The following CHMP7 variants were observed in gnomAD, a reference collection of about 807,000 sequenced individuals.
CHMP7 encodes charged multivesicular body protein 7.
A neutral mutation model predicts 53.7 loss-of-function variants in CHMP7; 15 were observed. The ratio of observed to expected loss-of-function variants is 0.28; its 90% CI spans 0.19 to 0.43. The LOEUF is 0.43. CHMP7 is among the 20% of genes least tolerant of loss of function. The pLI is 1.00. For missense variants in CHMP7, 527 were observed against 569.4 expected (o/e 0.93, Z 0.76); for synonymous variants, 261 against 228.0 (o/e 1.14, Z -1.30).
intron 9 of CHMP7, 164 bp from the exon 10 acceptor site, chr8:23,259,980 C>T (rs1012767811): frequency 3.3e-6 from 2 of 606,084 alleles, no homozygotes; most frequent in African/African-American, 3.7e-5. Flanking sequence ...GAAGAATCAT[C>T]TCTGCTTGAA....
intron 10 of CHMP7, 59 bp downstream of exon 10, chr8:23,260,382 G>T: frequency 1.3e-6 from 2 of 1,591,662 alleles, no homozygotes; most frequent in Non-Finnish European, 1.7e-6. Context: ...TGACAGAGTT[G>T]ATGGGCCCAA....
At position 23,256,463 on chromosome 8, in the gene CHMP7, G is replaced by C. The variant is rs751595190; in HGVS notation, c.661G>C (p.Val221Leu). ...TVLEQNGEKI[V>L]KFARGPRAKV... Reference sequence around the variant, plus strand: ...GTAATTTCTCCCTGTCCCTCAGATTGTGAAGTTTGCCCGAGGGCCACGTGC... The same window carrying C: ...GTAATTTCTCCCTGTCCCTCAGATTCTGAAGTTTGCCCGAGGGCCACGTGC... The change falls in exon 5 of 11, where the codon GTG becomes CTG. Residue 221 changes from valine (V) to leucine (L), a missense_variant. Coordinates refer to ENST00000397677, the MANE Select transcript of CHMP7 (RefSeq NM_152272.5). 6.2e-7 allele frequency: 1 copy of C among 1,602,964 alleles called. No homozygotes were observed. Among genetic ancestry groups the C allele is most frequent in the Non-Finnish European group, 8.5e-7 (1 of 1,169,850 alleles).
intron 5 of CHMP7, among the ~76,000 whole-genome samples, chr8:23,257,281 A>G (rs1230567412): frequency 6.6e-6 from 1 of 151,588 alleles, no homozygotes; most frequent in African/African-American, 2.4e-5. Context: ...TTTTTTGTTG[A>G]GATGGGGTCT....
intron 5 of CHMP7, 96 bp downstream of exon 5, chr8:23,256,689 G>A (rs141471466): frequency 2.9e-6 from 2 of 697,468 alleles, no homozygotes; most frequent in Admixed American, 3.6e-5. Context: ...AAAATAGGTG[G>A]GTTTTTTTTT....
At chr8:23,247,549 G>A (rs1252421366) in intron 2 of CHMP7, among the ~76,000 whole-genome samples, 1 of 152,146 alleles carries the variant, frequency 6.6e-6, no homozygotes, top group Non-Finnish European at 1.5e-5. Flanking sequence ...GCCCTTAAAA[G>A]GTCTGTAGGA....
At chr8:23,248,793 C>T (rs1041933024) in intron 2 of CHMP7, among the ~76,000 whole-genome samples, 10 of 152,186 alleles carry the variant, frequency 6.6e-5, no homozygotes, top group Non-Finnish European at 1.3e-4. Context: ...TGTTTTCTTT[C>T]TTATGTCTTG....
At chr8:23,244,958 T>A (rs1260897690) in intron 1 of CHMP7, among the ~76,000 whole-genome samples, 1 of 152,244 alleles carries the variant, frequency 6.6e-6, no homozygotes, top group Non-Finnish European at 1.5e-5. Flanking sequence ...ATATGGGAAT[T>A]GACTTTTATA....
At chr8:23,254,439 G>A (rs1802047500) in intron 3 of CHMP7, among the ~76,000 whole-genome samples, 1 of 152,118 alleles carries the variant, frequency 6.6e-6, no homozygotes, top group Admixed American at 6.5e-5. Context: ...TTGTCGCCCA[G>A]GCTGGAGTGC....
Position 23,260,146 on chromosome 8 carries a change from T to A in CHMP7, c.1123T>A (p.Phe375Ile), listed in dbSNP as rs769874873. The change falls in exon 10 of 11, where the codon TTT (phenylalanine) becomes ATT (isoleucine). Residue 375 changes from phenylalanine to isoleucine, a missense_variant and splice_region_variant. Phe to Ile is a conservative substitution (Grantham distance 21). Transcript: ENST00000397677. Reference sequence around the variant, plus strand: ...TTTATGTTGTCTTTTCTTTCCAGATTTTGACAGTGAAGAACTGGAGAAGGA... The same window carrying A: ...TTTATGTTGTCTTTTCTTTCCAGATATTGACAGTGAAGAACTGGAGAAGGA... The part of the protein sequence containing the change: ...LAGGVTNGLD[F>I]DSEELEKELD... 4.4e-5 allele frequency: 71 copies of A among 1,613,318 alleles called. No individual in the cohort carries two copies. The highest frequency in any genetic ancestry group is 5.6e-5 in the Non-Finnish European group (66 of 1,179,384).
rs577891916 is a variant in CHMP7, at chr8:23,249,397, G to C, written c.471+16G>C. The C allele has an allele frequency of 3.2e-6, 5 of 1,576,666 alleles. No homozygotes were observed. The highest frequency in any genetic ancestry group is 1.4e-5 in the African/African-American group (1 of 73,810). On this transcript the variant is annotated intron_variant, in intron 3 of 10. Coordinates refer to ENST00000397677, the MANE Select transcript of CHMP7 (RefSeq NM_152272.5). ...GCTGTTGAAGGTGGGTACTCAGAAG[G>C]GGGTGTCTGGGTGTCACCTGGTGTG...
At chr8:23,248,693 C>CTGCTGT (rs1801803157) in intron 2 of CHMP7, among the ~76,000 whole-genome samples, 1 of 152,202 alleles carries the variant, frequency 6.6e-6, no homozygotes, top group Non-Finnish European at 1.5e-5. Context: ...ATAAATTGAG[C>CTGCTGT]TGCTGTTACT....
At position 23,246,675 on chromosome 8, in the gene CHMP7, C is replaced by T; in HGVS notation, c.-21C>T. The T allele has an allele frequency of 3.2e-6, 5 of 1,543,670 alleles. No individual in the cohort carries two copies. The highest frequency in any genetic ancestry group is 2.4e-5 in the South Asian group (2 of 83,658). ...CCAGGGCCAGGCTTGTGTTCGCAGCCTTGCCGGGGCTGGGGTTCCGATGTG... is the reference window on the plus strand; with the variant it reads ...CCAGGGCCAGGCTTGTGTTCGCAGCTTTGCCGGGGCTGGGGTTCCGATGTG... On this transcript the variant is annotated 5_prime_UTR_variant, in exon 2 of 11. Transcript: ENST00000397677.
chr8:23,246,821 C>G lies in CHMP7; in HGVS notation c.126C>G (p.Arg42=). 1 of 1,598,274 alleles carries G rather than the reference C, an allele frequency of 6.3e-7. No individual in the cohort carries two copies. The highest frequency in any genetic ancestry group is 8.5e-7 in the Non-Finnish European group (1 of 1,172,818). Residue 42 remains arginine (R), a synonymous_variant, in exon 2 of 11, where the codon CGC becomes CGG. Coordinates refer to ENST00000397677, the MANE Select transcript of CHMP7 (RefSeq NM_152272.5). ...SFLFSAFKRS[R]EVNSTDWDSK... ...TGTTCTCCGCTTTCAAGAGGAGTCG[C>G]GAGGTGAACAGCACCGACTGGGACA...
chr8:23,255,677 G>A (rs1007522785), intron 4 of CHMP7, among the ~76,000 whole-genome samples: 1 of 151,992 alleles, frequency 6.6e-6, no homozygotes, highest in African/African-American at 2.4e-5. Context: ...GCTTTGTCCA[G>A]CATCTCCCCG....
chr8:23,247,046 G>A lies in CHMP7; in HGVS notation c.299+52G>A, dbSNP rs1198671871. ...GCGAGGGCGGGCGGGGGCAGCTCTC[G>A]GAGGGCCGGGCCCTGGTCCTGTTCT... On this transcript the variant is annotated intron_variant, in intron 2 of 10. Transcript: ENST00000397677. 2.1e-6 allele frequency: 3 copies of A among 1,447,368 alleles called. No individual in the cohort carries two copies. In the Admixed American group the frequency reaches 7.8e-5, roughly 37 times the overall value. 89.7% of individuals were successfully genotyped at this position (1,447,368 alleles called of 1,614,324 possible). A position where few individuals can be genotyped will look rare whatever the true frequency, so the allele number is the denominator to read the frequency against.
Position 23,255,334 on chromosome 8 carries a change from T to A in CHMP7, c.559T>A (p.Cys187Ser). 2 of 1,614,214 alleles carry A rather than the reference T, an allele frequency of 1.2e-6. No individual in the cohort carries two copies. Among genetic ancestry groups the A allele is most frequent in the Non-Finnish European group, 1.7e-6 (2 of 1,180,024 alleles). Residue 187 changes from cysteine to serine, a missense_variant, in exon 4 of 11, where the codon TGT becomes AGT. Coordinates refer to ENST00000397677, the MANE Select transcript of CHMP7 (RefSeq NM_152272.5). ...VVALSELSTLCANSCPDERTF... is the reference protein window; with the variant it reads ...VVALSELSTLSANSCPDERTF... ...GGCCCTGTCAGAGCTCAGCACCCTCTGTGCTAACTCCTGCCCAGATGAGAG... is the reference window on the plus strand; with the variant it reads ...GGCCCTGTCAGAGCTCAGCACCCTCAGTGCTAACTCCTGCCCAGATGAGAG...
intron 9 of CHMP7, 137 bp from the exon 10 acceptor site, chr8:23,260,007 C>G (rs1802316539): frequency 1.5e-6 from 1 of 653,948 alleles, no homozygotes. Flanking sequence ...CTCCTGACTT[C>G]CGGGATTTTT....
At position 23,246,622 on chromosome 8, in the gene CHMP7, G is replaced by C; in HGVS notation, c.-74G>C. ...AGAAGGAGGTGGTCAAGGAACGGAAGCCGGGAGGGAACGAGGGCGGAAGCG... is the reference window on the plus strand; with the variant it reads ...AGAAGGAGGTGGTCAAGGAACGGAACCCGGGAGGGAACGAGGGCGGAAGCG... On this transcript the variant is annotated 5_prime_UTR_variant, in exon 2 of 11. Coordinates refer to ENST00000397677, the MANE Select transcript of CHMP7 (RefSeq NM_152272.5). 2 of 1,312,706 alleles carry C rather than the reference G, an allele frequency of 1.5e-6. No individual in the cohort carries two copies. The highest frequency in any genetic ancestry group is 2.1e-6 in the Non-Finnish European group (2 of 961,404). The allele number at this position is 1,312,706 out of a possible 1,614,324, so 81.3% of individuals were successfully genotyped here.
At position 23,258,033 on chromosome 8, in the gene CHMP7, G is replaced by T; in HGVS notation, c.792G>T (p.Arg264Ser). 1 of 1,611,506 alleles carries T rather than the reference G, an allele frequency of 6.2e-7. No individual in the cohort carries two copies. The highest frequency in any genetic ancestry group is 8.5e-7 in the Non-Finnish European group (1 of 1,177,918). The change falls in exon 6 of 11, where the codon AGG becomes AGT. Residue 264 changes from arginine to serine, a missense_variant and splice_region_variant. Arg to Ser is a moderately radical substitution (Grantham distance 110, BLOSUM62 -1). Coordinates refer to ENST00000397677, the MANE Select transcript of CHMP7 (RefSeq NM_152272.5). ...KVESLSQEAERCKEEARRACR... is the reference protein window; with the variant it reads ...KVESLSQEAESCKEEARRACR... ...ATCTTATCTGTCCCTTTGTTTCCAG[G>T]TGTAAAGAAGAAGCCCGCCGGGCAT... is the stretch of plus-strand genomic sequence containing the variant.
Sources: gnomAD v4.1 joint callset for allele counts (sites outside exome capture counted in the v4.1 genomes callset) on GRCh38, gnomAD v4.1.1 for gene constraint, MANE v1.5 for transcripts, NCBI Gene and HGNC (gene_info 2026-07-23, HGNC 2026-07-21) for gene names.